CNTNAP5: variants seen among roughly 807,000 people sequenced by gnomAD.
The protein encoded by CNTNAP5 is contactin-associated protein-like 5.
CNTNAP5 carries 72 observed loss-of-function variants against 150.2 expected under a neutral mutation model. That is an observed-to-expected ratio of 0.48 (90% CI 0.40 to 0.58). The LOEUF is 0.58. Among genes scored for constraint, CNTNAP5 ranks in the 20% least tolerant of loss-of-function variants. The pLI, the probability that CNTNAP5 is intolerant of heterozygous loss-of-function variation, is 0.00. For synonymous variants in CNTNAP5, 672 were observed against 619.8 expected (o/e 1.08, Z -1.25); for missense variants, 1,636 against 1,626.2 (o/e 1.01, Z -0.10).
chr2:124,419,140 CAAA>C (rs778863758), intron 4 of CNTNAP5, among the ~76,000 whole-genome samples: 29 of 28,912 alleles, frequency 1.0e-3, no homozygotes, highest in East Asian at 1.9e-3. Flanking sequence ...GACTCCTTCT[CAAA>C]AAAAAAAAAA....
intron 1 of CNTNAP5, among the ~76,000 whole-genome samples, chr2:124,202,260 A>G (rs1427385245): frequency 1.3e-5 from 2 of 152,066 alleles, no homozygotes; most frequent in East Asian, 3.9e-4. Context: ...CCTATTCTCA[A>G]TATTATTACT....
At chr2:124,387,736 G>T (rs961213950) in intron 3 of CNTNAP5, among the ~76,000 whole-genome samples, 1 of 152,136 alleles carries the variant, frequency 6.6e-6, no homozygotes, top group Non-Finnish European at 1.5e-5. Flanking sequence ...TTCTTTTGTG[G>T]ATCTTCAGTT....
intron 13 of CNTNAP5, among the ~76,000 whole-genome samples, chr2:124,696,383 T>C (rs1679407778): frequency 6.6e-6 from 1 of 152,196 alleles, no homozygotes. Context: ...ATCTTTTCTA[T>C]CCTAGAGAAA....
At chr2:124,462,097 CA>C (rs1437302143) in intron 6 of CNTNAP5, among the ~76,000 whole-genome samples, 1 of 151,978 alleles carries the variant, frequency 6.6e-6, no homozygotes, top group Admixed American at 6.6e-5. Context: ...AAAAGGAGGA[CA>C]CAGAGAAGTT....
At chr2:124,513,043 C>T (rs567698015) in intron 8 of CNTNAP5, among the ~76,000 whole-genome samples, 12 of 152,204 alleles carry the variant, frequency 7.9e-5, no homozygotes, top group Admixed American at 2.6e-4. Context: ...TTCTTTTTAA[C>T]GTTTGTTACT....
intron 3 of CNTNAP5, among the ~76,000 whole-genome samples, chr2:124,255,744 T>A (rs1687296552): frequency 6.6e-6 from 1 of 152,074 alleles, no homozygotes. Flanking sequence ...GGATTTGAAG[T>A]AAGGAATCCA....
At chr2:124,679,600 G>A (rs560420296) in intron 13 of CNTNAP5, among the ~76,000 whole-genome samples, 22 of 151,562 alleles carry the variant, frequency 1.5e-4, no homozygotes, top group Admixed American at 1.0e-3. Context: ...GGGAGTGGGG[G>A]ACAGGGTCTC....
At chr2:124,604,719 G>T (rs1697062867) in intron 11 of CNTNAP5, among the ~76,000 whole-genome samples, 1 of 152,162 alleles carries the variant, frequency 6.6e-6, no homozygotes, top group Non-Finnish European at 1.5e-5. Context: ...CATTTACAGT[G>T]TCCATAAATG....
intron 20 of CNTNAP5, among the ~76,000 whole-genome samples, chr2:124,866,138 C>A (rs1055874302): frequency 1.3e-5 from 2 of 151,820 alleles, no homozygotes; most frequent in Non-Finnish European, 2.9e-5. Flanking sequence ...TGGCACGCAC[C>A]TATAATCCCA....
chr2:124,688,436 G>C (rs1679235980), intron 13 of CNTNAP5, among the ~76,000 whole-genome samples: 2 of 151,946 alleles, frequency 1.3e-5, no homozygotes, highest in African/African-American at 4.8e-5. Flanking sequence ...TTGCTAAAGG[G>C]GGCAAAATTC....
chr2:124,600,045 T>G (rs1480982052), intron 11 of CNTNAP5, among the ~76,000 whole-genome samples: 2 of 152,204 alleles, frequency 1.3e-5, no homozygotes, highest in East Asian at 3.9e-4. Context: ...GTGGAGTATT[T>G]GTTCCATAAT....
chr2:124,828,735 C>CAAAAAAAAAAAAAAAAAAAAAAAAAAAA (rs60339676), intron 19 of CNTNAP5, among the ~76,000 whole-genome samples: 2 of 23,110 alleles, frequency 8.7e-5, no homozygotes, highest in Non-Finnish European at 1.7e-4. Context: ...CAAGTGTTGG[C>CAAAAAAAAAAAAAAAAAAAAAAAAAAAA]AAAAAAAAAA....
chr2:124,434,093 C>A (rs1692462421), intron 4 of CNTNAP5, among the ~76,000 whole-genome samples: 2 of 152,086 alleles, frequency 1.3e-5, no homozygotes, highest in South Asian at 4.1e-4. Flanking sequence ...AATGTTGTGT[C>A]TGAGATAAGG....
At chr2:124,772,334 C>A (rs187354435) in intron 16 of CNTNAP5, among the ~76,000 whole-genome samples, 84 of 152,266 alleles carry the variant, frequency 5.5e-4, no homozygotes, top group Non-Finnish European at 7.8e-4. Flanking sequence ...ACTTTCTGAG[C>A]TTTTTTCATT....
At chr2:124,608,672 C>T (rs932256220) in intron 11 of CNTNAP5, among the ~76,000 whole-genome samples, 5 of 152,240 alleles carry the variant, frequency 3.3e-5, no homozygotes, top group Middle Eastern at 3.4e-3. Flanking sequence ...CTGGGCCAGG[C>T]GCAGTGGTTC....
At chr2:124,773,806 G>A (rs2104612544) in intron 17 of CNTNAP5, among the ~76,000 whole-genome samples, 1 of 150,750 alleles carries the variant, frequency 6.6e-6, no homozygotes, top group African/African-American at 2.4e-5. Flanking sequence ...GAGAGCATGG[G>A]GTTTTGGAAG....
chr2:124,486,952 A>T lies in CNTNAP5; in HGVS notation c.1062+12070A>T, dbSNP rs73952992. On this transcript the variant is annotated intron_variant, in intron 7 of 23. Coordinates refer to ENST00000682447, the MANE Select transcript of CNTNAP5 (RefSeq NM_001367498.1). ...CATGAAGATTTACTGTAATTCTCAC[A>T]AAAACTTATTCATATTTAACCTAAA... Among the ~76,000 whole-genome samples, 373 of 152,356 alleles carry T rather than the reference A, an allele frequency of 2.4e-3. 4 individuals carry two copies. Among genetic ancestry groups the T allele is most frequent in the African/African-American group, 8.4e-3 (349 of 41,580 alleles).
At chr2:124,622,084 C>G (rs914146822) in intron 12 of CNTNAP5, among the ~76,000 whole-genome samples, 1 of 152,044 alleles carries the variant, frequency 6.6e-6, no homozygotes, top group Non-Finnish European at 1.5e-5. Context: ...AGCCCAGCAT[C>G]CATTAGCTAT....
chr2:124,666,365 T>TC (rs1248294216), intron 13 of CNTNAP5, among the ~76,000 whole-genome samples: 1 of 152,198 alleles, frequency 6.6e-6, no homozygotes, highest in African/African-American at 2.4e-5. Flanking sequence ...TGTTAACCAG[T>TC]ACACTGGGTG....
Sources: allele counts gnomAD v4.1 joint callset (sites outside exome capture counted in the v4.1 genomes callset), GRCh38; gene constraint gnomAD v4.1.1; transcripts MANE v1.5; gene names NCBI Gene and HGNC (gene_info 2026-07-23, HGNC 2026-07-21).